CCDC185: variants seen among roughly 807,000 people sequenced by gnomAD.
The protein encoded by CCDC185 is coiled-coil domain containing 185.
For synonymous variants in CCDC185, 381 were observed against 348.1 expected, an observed-to-expected ratio of 1.09 and a Z score of -1.05; for missense variants, 982 against 825.3, an observed-to-expected ratio of 1.19 and a Z score of -2.33.
At position 223,393,659 on chromosome 1, in the gene CCDC185, C is replaced by T. The variant is rs763748776; in HGVS notation, c.184C>T (p.Pro62Ser). 3.1e-5 allele frequency: 49 copies of T among 1,562,090 alleles called. No individual in the cohort carries two copies. The highest frequency in any genetic ancestry group is 3.7e-5 in the Non-Finnish European group (43 of 1,159,158). ...CGAAGCTGGGGCGTGCTGGCTGCAC[C>T]CGCACTGTTCGTTCACCCCGCGGCC... is the stretch of plus-strand genomic sequence containing the variant. ...ESEAGACWLH[P>S]HCSFTPRPRR... Residue 62 changes from proline (P) to serine (S), a missense_variant, in exon 1 of 1, where the codon CCG becomes TCG. Physicochemically the swap from Pro to Ser is moderately conservative, Grantham distance 74. Transcript: ENST00000366875. The surrounding 1 kb of genome is among the most constrained non-coding windows in gnomAD (Gnocchi z 4.8).
rs1669643621 is a variant in CCDC185 at position 223,394,988 on chromosome 1, A to T, written c.1513A>T (p.Ile505Phe). ...SEEQRKMRKRILVELADEKIR... is the reference protein window; with the variant it reads ...SEEQRKMRKRFLVELADEKIR... ...GGAACAGAGGAAGATGCGCAAAAGA[A>T]TTCTGGTGGAGCTGGCGGATGAGAA... Residue 505 changes from isoleucine (I) to phenylalanine (F), a missense_variant, in exon 1 of 1, where the codon ATT becomes TTT. Transcript: ENST00000366875. 6.2e-7 allele frequency: 1 copy of T among 1,614,056 alleles called. No individual in the cohort carries two copies. The highest frequency in any genetic ancestry group is 8.5e-7 in the Non-Finnish European group (1 of 1,179,994).
chr1:223,394,233 C>A lies in CCDC185; in HGVS notation c.758C>A (p.Ser253Tyr). Residue 253 changes from serine to tyrosine, a missense_variant, in exon 1 of 1, where the codon TCC (serine) becomes TAC (tyrosine). Coordinates refer to ENST00000366875, the MANE Select transcript of CCDC185 (RefSeq NM_152610.3). ...AGCAAGCTGGAAGAGGTGGTGGTGT[C>A]CTCCCAGGACCAGCAGATTGTGGCC... ...LKSKLEEVVV[S>Y]SQDQQIVALV... 1 of 1,613,936 alleles carries A rather than the reference C, an allele frequency of 6.2e-7. No individual in the cohort carries two copies. The highest frequency in any genetic ancestry group is 8.5e-7 in the Non-Finnish European group (1 of 1,180,036).
rs202074898 is a variant in CCDC185, at chr1:223,393,458, G to T, written c.-18G>T. 11 of 1,444,082 alleles carry T rather than the reference G, an allele frequency of 7.6e-6. No individual in the cohort carries two copies. Among genetic ancestry groups the T allele is most frequent in the South Asian group, 1.5e-5 (1 of 68,414 alleles). The allele number at this position is 1,444,082 out of a possible 1,614,324, so 89.5% of individuals were successfully genotyped here. On this transcript the variant is annotated 5_prime_UTR_variant, in exon 1 of 1. Transcript: ENST00000366875. This position sits in a 1 kb window ranked among gnomAD's most constrained non-coding sequence, Gnocchi z 4.8. ...CTCAGGCCCCTTGGGCAGACGCTGC[G>T]CGTGCCCAGAGGGAGGGATGGCAGG... is the stretch of plus-strand genomic sequence containing the variant.
At position 223,393,513 on chromosome 1, in the gene CCDC185, G is replaced by C. The variant is rs374264495; in HGVS notation, c.38G>C (p.Arg13Pro). 4.5e-5 allele frequency: 70 copies of C among 1,538,764 alleles called. No individual in the cohort carries two copies. In the African/African-American group the frequency reaches 6.3e-4, roughly 14 times the overall value. ...AGCCACTTCTCCCAGCCGCCCTACC[G>C]GGATCTCTGGGAACCCCCGCGGCCC... ...GFSHFSQPPY[R>P]DLWEPPRPGG... Residue 13 changes from arginine (R) to proline (P), a missense_variant, in exon 1 of 1, where the codon CGG becomes CCG. Transcript: ENST00000366875. The surrounding 1 kb of genome is among the most constrained non-coding windows in gnomAD (Gnocchi z 4.8).
rs1669646967 is a variant in CCDC185, at chr1:223,395,157, T to A, written c.1682T>A (p.Ile561Asn). ...GAGGAAAAGTGTCACATTGAGGGCA[T>A]CAAGGAGGCCATTAAGAAAAAGGAG... ...EKEEKCHIEG[I>N]KEAIKKKEQR... Residue 561 changes from isoleucine (I) to asparagine (N), a missense_variant, in exon 1 of 1, where the codon ATC becomes AAC. Physicochemically the swap from Ile to Asn is moderately radical, Grantham distance 149. Transcript: ENST00000366875. 2 of 1,613,862 alleles carry A rather than the reference T, an allele frequency of 1.2e-6. No individual in the cohort carries two copies. Among genetic ancestry groups the A allele is most frequent in the Non-Finnish European group, 8.5e-7 (1 of 1,180,004 alleles).
Position 223,394,918 on chromosome 1 carries a change from G to A in CCDC185, c.1443G>A (p.Glu481=), listed in dbSNP as rs756803388. 6.2e-7 allele frequency: 1 copy of A among 1,614,206 alleles called. No homozygotes were observed. Among genetic ancestry groups the A allele is most frequent in the East Asian group, 2.2e-5 (1 of 44,878 alleles). ...QRELREKAQK[E]EEQLQQARWR... The stretch of plus-strand genomic sequence containing the variant: ...AGCTGAGGGAGAAGGCCCAGAAGGA[G>A]GAAGAGCAGTTGCAGCAGGCCAGGT... Residue 481 remains glutamate (E), a synonymous_variant, in exon 1 of 1, where the codon GAG becomes GAA. Transcript: ENST00000366875.
rs961025295 is a variant in CCDC185 at position 223,395,457 on chromosome 1, T to C, written c.*110T>C. The stretch of plus-strand genomic sequence containing the variant: ...ATTGATTTTAAAAAAGCATGTAAAA[T>C]AGCTGCAATTTCCTCTCATGAACTG... On this transcript the variant is annotated 3_prime_UTR_variant, in exon 1 of 1. Transcript: ENST00000366875. 2.8e-5 allele frequency: 34 copies of C among 1,196,182 alleles called. No homozygotes were observed. In the African/African-American group the frequency reaches 5.2e-4, roughly 18 times the overall value. 74.1% of individuals were successfully genotyped at this position (1,196,182 alleles called of 1,614,324 possible). A position where few individuals can be genotyped will look rare whatever the true frequency, so the allele number is the denominator to read the frequency against.
At position 223,395,362 on chromosome 1, in the gene CCDC185, T is replaced by G. The variant is rs1174017311; in HGVS notation, c.*15T>G. 6.7e-7 allele frequency: 1 copy of G among 1,502,474 alleles called. No individual in the cohort carries two copies. Among genetic ancestry groups the G allele is most frequent in the Non-Finnish European group, 8.9e-7 (1 of 1,127,612 alleles). The allele number at this position is 1,502,474 out of a possible 1,614,324, so 93.1% of individuals were successfully genotyped here. A position where few individuals can be genotyped will look rare whatever the true frequency, so the allele number is the denominator to read the frequency against. Reference sequence around the variant, plus strand: ...GGGGTTACTGAGAACCAAGGACGCCTGGCTTACAGTGCGCAGCCAGAAGGA... The same window carrying G: ...GGGGTTACTGAGAACCAAGGACGCCGGGCTTACAGTGCGCAGCCAGAAGGA... On this transcript the variant is annotated 3_prime_UTR_variant, in exon 1 of 1. Transcript: ENST00000366875.
At position 223,394,469 on chromosome 1, in the gene CCDC185, C is replaced by T. The variant is rs778967444; in HGVS notation, c.994C>T (p.Arg332Trp). The T allele has an allele frequency of 1.8e-5, 28 of 1,572,156 alleles. No homozygotes were observed. Among genetic ancestry groups the T allele is most frequent in the East Asian group, 1.2e-4 (5 of 42,566 alleles). ...GAGCCCTGAGCAGCGCGGCCTGCGG[C>T]GGGACAGCCAGAGGAAGAACGTGCC... ...LQSPEQRGLR[R>W]DSQRKNVPPG... is the part of the protein sequence containing the mutation. Residue 332 changes from arginine to tryptophan, a missense_variant, in exon 1 of 1, where the codon CGG becomes TGG. By Grantham distance (101) the Arg-to-Trp change is moderately radical. Coordinates refer to ENST00000366875, the MANE Select transcript of CCDC185 (RefSeq NM_152610.3).
rs1005747677 is a variant in CCDC185, at chr1:223,393,512, C to T, written c.37C>T (p.Arg13Trp). 9 of 1,537,568 alleles carry T rather than the reference C, an allele frequency of 5.9e-6. No individual in the cohort carries two copies. Among genetic ancestry groups the T allele is most frequent in the Admixed American group, 2.0e-5 (1 of 49,568 alleles). The change falls in exon 1 of 1, where the codon CGG becomes TGG. Residue 13 changes from arginine to tryptophan, a missense_variant. Arg to Trp is a moderately radical substitution (Grantham distance 101). Coordinates refer to ENST00000366875, the MANE Select transcript of CCDC185 (RefSeq NM_152610.3). The surrounding 1 kb of genome is among the most constrained non-coding windows in gnomAD (Gnocchi z 4.8). ...CAGCCACTTCTCCCAGCCGCCCTAC[C>T]GGGATCTCTGGGAACCCCCGCGGCC... is the stretch of plus-strand genomic sequence containing the variant. ...GFSHFSQPPY[R>W]DLWEPPRPGG...
chr1:223,394,970 A>G lies in CCDC185; in HGVS notation c.1495A>G (p.Arg499Gly). 6.2e-7 allele frequency: 1 copy of G among 1,614,134 alleles called. No individual in the cohort carries two copies. Among genetic ancestry groups the G allele is most frequent in the Non-Finnish European group, 8.5e-7 (1 of 1,180,026 alleles). ...RWRAGESEEQRKMRKRILVEL... is the reference protein window; with the variant it reads ...RWRAGESEEQGKMRKRILVEL... ...GCGCGCAGGGGAGTCAGAGGAACAG[A>G]GGAAGATGCGCAAAAGAATTCTGGT... Residue 499 changes from arginine to glycine, a missense_variant, in exon 1 of 1, where the codon AGG becomes GGG. Arg to Gly is a moderately radical substitution (Grantham distance 125). Coordinates refer to ENST00000366875, the MANE Select transcript of CCDC185 (RefSeq NM_152610.3).
chr1:223,393,737 G>T lies in CCDC185; in HGVS notation c.262G>T (p.Val88Leu). 1 of 1,566,246 alleles carries T rather than the reference G, an allele frequency of 6.4e-7. No homozygotes were observed. ...GCGGGGCAGCCGAAGCCTGAGCGAT[G>T]TGGCCCGCAGGCCCCTGGAACGTTC... ...SLRGSRSLSD[V>L]ARRPLERSRK... is the part of the protein sequence containing the mutation. Residue 88 changes from valine (V) to leucine (L), a missense_variant, in exon 1 of 1, where the codon GTG (valine) becomes TTG (leucine). Transcript: ENST00000366875. This position sits in a 1 kb window ranked among gnomAD's most constrained non-coding sequence, Gnocchi z 4.8.
rs1333345363 is a variant in CCDC185, at chr1:223,393,420, G to A, written c.-56G>A. 7.1e-6 allele frequency: 10 copies of A among 1,399,890 alleles called. No homozygotes were observed. The highest frequency in any genetic ancestry group is 2.6e-4 in the Middle Eastern group (1 of 3,820). The allele number at this position is 1,399,890 out of a possible 1,614,324, so 86.7% of individuals were successfully genotyped here. ...GGGGGGCAGGGCGGGTGTCTGCAGC[G>A]TCCTCGGGAGGTCTCAGGCCCCTTG... On this transcript the variant is annotated 5_prime_UTR_variant, in exon 1 of 1. Coordinates refer to ENST00000366875, the MANE Select transcript of CCDC185 (RefSeq NM_152610.3). The surrounding 1 kb of genome is among the most constrained non-coding windows in gnomAD (Gnocchi z 4.8).
At position 223,393,870 on chromosome 1, in the gene CCDC185, C is replaced by A; in HGVS notation, c.395C>A (p.Pro132Gln). 6.2e-7 allele frequency: 1 copy of A among 1,606,460 alleles called. No individual in the cohort carries two copies. The change falls in exon 1 of 1, where the codon CCG (proline) becomes CAG (glutamine). Residue 132 changes from proline (P) to glutamine (Q), a missense_variant. Coordinates refer to ENST00000366875, the MANE Select transcript of CCDC185 (RefSeq NM_152610.3). The surrounding 1 kb of genome is among the most constrained non-coding windows in gnomAD (Gnocchi z 4.8). ...CAGACCCAGCTGCCACCCCAGCGGCCGCAGCCCTGCCCGCATTACCCTCTG... is the reference window on the plus strand; with the variant it reads ...CAGACCCAGCTGCCACCCCAGCGGCAGCAGCCCTGCCCGCATTACCCTCTG... ...QPQTQLPPQR[P>Q]QPCPHYPLAQ...
At position 223,393,950 on chromosome 1, in the gene CCDC185, G is replaced by A; in HGVS notation, c.475G>A (p.Gly159Ser). 6.2e-7 allele frequency: 1 copy of A among 1,613,714 alleles called. No individual in the cohort carries two copies. Among genetic ancestry groups the A allele is most frequent in the Non-Finnish European group, 8.5e-7 (1 of 1,179,940 alleles). ...CGGAGGAGCTGGCACTCCCCTGAGT[G>A]GCACATTCAGGGTAGAAAAGGCACA... is the stretch of plus-strand genomic sequence containing the variant. ...CPGGAGTPLS[G>S]TFRVEKAQGG... Residue 159 changes from glycine to serine, a missense_variant, in exon 1 of 1, where the codon GGC becomes AGC. Physicochemically the swap from Gly to Ser is moderately conservative, Grantham distance 56. Coordinates refer to ENST00000366875, the MANE Select transcript of CCDC185 (RefSeq NM_152610.3). The surrounding 1 kb of genome is among the most constrained non-coding windows in gnomAD (Gnocchi z 4.8).
At position 223,394,977 on chromosome 1, in the gene CCDC185, T is replaced by C. The variant is rs1669643250; in HGVS notation, c.1502T>C (p.Met501Thr). Residue 501 changes from methionine (M) to threonine (T), a missense_variant, in exon 1 of 1, where the codon ATG becomes ACG. By Grantham distance (81) the Met-to-Thr change is moderately conservative (BLOSUM62 -1). Transcript: ENST00000366875. ...GGGGAGTCAGAGGAACAGAGGAAGA[T>C]GCGCAAAAGAATTCTGGTGGAGCTG... ...RAGESEEQRK[M>T]RKRILVELAD... The C allele has an allele frequency of 6.2e-7, 1 of 1,613,866 alleles. No homozygotes were observed.
rs1473648891 is a variant in CCDC185 at position 223,394,924 on chromosome 1, G to A, written c.1449G>A (p.Glu483=). ...GGGAGAAGGCCCAGAAGGAGGAAGA[G>A]CAGTTGCAGCAGGCCAGGTGGCGCG... ...ELREKAQKEE[E]QLQQARWRAG... The change falls in exon 1 of 1, where the codon GAG becomes GAA. Residue 483 remains glutamate, a synonymous_variant. Coordinates refer to ENST00000366875, the MANE Select transcript of CCDC185 (RefSeq NM_152610.3). The A allele has an allele frequency of 6.2e-7, 1 of 1,614,192 alleles. No individual in the cohort carries two copies. Among genetic ancestry groups the A allele is most frequent in the Non-Finnish European group, 8.5e-7 (1 of 1,180,034 alleles).
chr1:223,393,600 C>A lies in CCDC185; in HGVS notation c.125C>A (p.Ala42Glu), dbSNP rs372614225. Reference sequence around the variant, plus strand: ...CAGAGGTCCGGAGCCGACTCCACCGCGTGCTCCCGGGCCGGGACTCCGGGT... The same window carrying A: ...CAGAGGTCCGGAGCCGACTCCACCGAGTGCTCCCGGGCCGGGACTCCGGGT... The part of the protein sequence containing the change: ...GGQRSGADST[A>E]CSRAGTPGAE... The change falls in exon 1 of 1, where the codon GCG becomes GAG. Residue 42 changes from alanine (A) to glutamate (E), a missense_variant. Transcript: ENST00000366875. The surrounding 1 kb of genome is among the most constrained non-coding windows in gnomAD (Gnocchi z 4.8). The A allele has an allele frequency of 1.6e-5, 24 of 1,527,608 alleles. No homozygotes were observed. The highest frequency in any genetic ancestry group is 2.1e-5 in the Non-Finnish European group (24 of 1,140,828). The allele number at this position is 1,527,608 out of a possible 1,614,324, so 94.6% of individuals were successfully genotyped here.
chr1:223,393,900 AG>A, the CCDC185 span: 1 of 1,611,390 alleles, frequency 6.2e-7, no homozygotes, highest in Non-Finnish European at 8.5e-7. This position sits in a 1 kb window ranked among gnomAD's most constrained non-coding sequence, Gnocchi z 4.8. Context: ...CCTCTGGCCC[AG>A]GGAGACTCGC....
Sources: gnomAD v4.1 joint callset for allele counts on GRCh38, gnomAD v4.1.1 for gene constraint, Gnocchi (gnomAD v3.1) non-coding constraint, MANE v1.5 for transcripts, NCBI Gene and HGNC (gene_info 2026-07-23, HGNC 2026-07-21) for gene names.